The following ROBO1 variants were observed in gnomAD, a reference collection of about 807,000 sequenced individuals.
ROBO1 encodes the protein roundabout homolog 1.
In ROBO1, 149 loss-of-function variants were observed where a neutral mutation model predicts 195.9. The observed-to-expected ratio is 0.76, with a 90% CI of 0.67 to 0.87. The LOEUF (loss-of-function observed/expected upper bound fraction) is 0.87, where lower values mean the gene tolerates loss of function less well. Ranked by LOEUF, ROBO1 falls within the 40% of genes least tolerant of loss-of-function variation. ROBO1 has a pLI of 0.00. For missense variants in ROBO1, 1,933 were observed against 2,068.3 expected, an observed-to-expected ratio of 0.93 and a Z score of 1.27; for synonymous variants, 816 against 733.2, an observed-to-expected ratio of 1.11 and a Z score of -1.82.
chr3:79,135,102 A>G (rs1304454886), intron 2 of ROBO1, among the ~76,000 whole-genome samples: 21 of 152,126 alleles, frequency 1.4e-4, no homozygotes, highest in Non-Finnish European at 1.3e-4. Flanking sequence ...ATACGTTCTT[A>G]TTAAACATAG....
At position 78,922,358 on chromosome 3, in the gene ROBO1, T is replaced by C. The variant is rs371892537; in HGVS notation, c.499+16243A>G. Among the ~76,000 whole-genome samples, 6 of 152,182 alleles carry C rather than the reference T, an allele frequency of 3.9e-5. No individual in the cohort carries two copies. In the East Asian group the frequency reaches 7.8e-4, roughly 20 times the overall value. On this transcript the variant is annotated intron_variant, in intron 4 of 30. Coordinates refer to ENST00000464233, the MANE Select transcript of ROBO1 (RefSeq NM_002941.4). Reference sequence around the variant, plus strand: ...ATCATGGTCTACCCTTACCTACCAATGTATCCTAGACAGACACTCAAAGGT... The same window carrying C: ...ATCATGGTCTACCCTTACCTACCAACGTATCCTAGACAGACACTCAAAGGT...
intron 3 of ROBO1, among the ~76,000 whole-genome samples, chr3:79,120,713 C>T (rs2080100886): frequency 6.6e-6 from 1 of 151,824 alleles, no homozygotes; most frequent in South Asian, 2.1e-4. Flanking sequence ...CATAATTGAG[C>T]ATCTAGAATG....
intron 1 of ROBO1, among the ~76,000 whole-genome samples, chr3:79,628,011 T>C (rs533159535): frequency 1.5e-4 from 23 of 152,224 alleles, no homozygotes; most frequent in Admixed American, 5.2e-4. Context: ...TGTGGAAAAG[T>C]AGGAATGCTT....
At chr3:79,688,512 C>A (rs750261800) in intron 1 of ROBO1, among the ~76,000 whole-genome samples, 4 of 152,006 alleles carry the variant, frequency 2.6e-5, no homozygotes, top group Non-Finnish European at 5.9e-5. Flanking sequence ...CTAATCATTT[C>A]TATTGAAACA....
intron 4 of ROBO1, among the ~76,000 whole-genome samples, chr3:78,894,685 G>A (rs2037126258): frequency 6.6e-6 from 1 of 152,174 alleles, no homozygotes; most frequent in South Asian, 2.1e-4. Flanking sequence ...AATTATCATT[G>A]AAATCCACCA....
chr3:79,181,063 A>T (rs1222455729), intron 2 of ROBO1, among the ~76,000 whole-genome samples: 2 of 152,008 alleles, frequency 1.3e-5, no homozygotes, highest in Admixed American at 6.6e-5. Context: ...ATTTTCCTAG[A>T]CTTTCTCTTT....
At chr3:79,223,463 A>G (rs533563108) in intron 2 of ROBO1, among the ~76,000 whole-genome samples, 1 of 152,164 alleles carries the variant, frequency 6.6e-6, no homozygotes, top group South Asian at 2.1e-4. Flanking sequence ...ATATGCAAAT[A>G]TAAAGAATCT....
intron 2 of ROBO1, among the ~76,000 whole-genome samples, chr3:79,370,554 C>T (rs1245008049): frequency 1.3e-5 from 2 of 151,874 alleles, no homozygotes; most frequent in East Asian, 3.9e-4. Flanking sequence ...CATGGGAACC[C>T]TGGGATTGAT....
intron 2 of ROBO1, among the ~76,000 whole-genome samples, chr3:79,395,335 AAAAAAAAAG>A (rs2037114165): frequency 6.7e-6 from 1 of 148,350 alleles, no homozygotes; most frequent in African/African-American, 2.5e-5. Flanking sequence ...AAAAAAAAAA[AAAAAAAAAG>A]AAAGAAAGAA....
At chr3:79,575,837 A>G (rs1315297426) in intron 2 of ROBO1, among the ~76,000 whole-genome samples, 1 of 151,814 alleles carries the variant, frequency 6.6e-6, no homozygotes, top group African/African-American at 2.4e-5. Flanking sequence ...AATATATCAC[A>G]GTGTTTACAA....
intron 2 of ROBO1, among the ~76,000 whole-genome samples, chr3:79,279,368 C>T (rs1191390460): frequency 6.6e-6 from 1 of 151,924 alleles, no homozygotes; most frequent in Non-Finnish European, 1.5e-5. Context: ...ATACAAATGG[C>T]CAACCAATGA....
chr3:78,696,439 G>A (rs986023374), intron 8 of ROBO1, among the ~76,000 whole-genome samples: 13 of 151,948 alleles, frequency 8.6e-5, no homozygotes, highest in African/African-American at 3.1e-4. Flanking sequence ...CTTTATCAAG[G>A]TCACAGGGGG....
At chr3:79,470,027 T>A (rs897955844) in intron 2 of ROBO1, among the ~76,000 whole-genome samples, 1 of 152,140 alleles carries the variant, frequency 6.6e-6, no homozygotes, top group Admixed American at 6.6e-5. Context: ...TTATTATACT[T>A]TAAGTTCTAG....
Position 78,627,520 on chromosome 3 carries a change from G to A in ROBO1, c.3676C>T (p.Gln1226Ter). The change falls in exon 26 of 31, where the codon CAA becomes TAA. Residue 1226 changes from glutamine (Q) to a stop codon, truncating the protein, a stop_gained. Transcript: ENST00000464233. LOFTEE classifies it high-confidence loss of function. ...CPVPPARMYLQQDELEEEEDE... is the reference protein window; with the variant it reads ...CPVPPARMYL ...TCCTCCTCTTCTAATTCATCTTGTT[G>A]CAAATACATCCTTGCTGGTGGCACG... 1 of 1,613,334 alleles carries A rather than the reference G, an allele frequency of 6.2e-7. No individual in the cohort carries two copies. The highest frequency in any genetic ancestry group is 8.5e-7 in the Non-Finnish European group (1 of 1,179,698).
Position 78,636,021 on chromosome 3 carries a change from T to A in ROBO1, c.3125A>T (p.Asp1042Val), listed in dbSNP as rs765740846. 50 of 1,613,826 alleles carry A rather than the reference T, an allele frequency of 3.1e-5. No homozygotes were observed. The South Asian group carries it at 5.5e-4, about 18-fold the overall frequency. ...CATCTCATTGATTTTGTTACTAAGG[T>A]CCACATCACCATAAACAGTTGACTC... ...LPESTVYGDV[D>V]LSNKINEMKT... Residue 1042 changes from aspartate to valine, a missense_variant, in exon 23 of 31, where the codon GAC (aspartate) becomes GTC (valine). Coordinates refer to ENST00000464233, the MANE Select transcript of ROBO1 (RefSeq NM_002941.4).
chr3:78,602,002 A>C (rs1290905483), intron 29 of ROBO1, among the ~76,000 whole-genome samples: 1 of 150,558 alleles, frequency 6.6e-6, no homozygotes, highest in Non-Finnish European at 1.5e-5. Context: ...ATATAATTAT[A>C]TATACGTTAT....
At chr3:79,451,387 T>C (rs1208653681) in intron 2 of ROBO1, among the ~76,000 whole-genome samples, 1 of 152,044 alleles carries the variant, frequency 6.6e-6, no homozygotes, top group Non-Finnish European at 1.5e-5. Flanking sequence ...TACTTAACCA[T>C]CTGAATGGTG....
At chr3:79,341,452 G>C (rs1366946320) in intron 2 of ROBO1, among the ~76,000 whole-genome samples, 1 of 151,796 alleles carries the variant, frequency 6.6e-6, no homozygotes, top group East Asian at 1.9e-4. Flanking sequence ...TCACATCTTA[G>C]CAGTTCCTAT....
intron 1 of ROBO1, among the ~76,000 whole-genome samples, chr3:79,690,363 G>A (rs1485912302): frequency 1.3e-5 from 2 of 152,006 alleles, no homozygotes; most frequent in Non-Finnish European, 1.5e-5. Flanking sequence ...GAGAGGACAA[G>A]AGAACAGGCA....
Sources: allele counts gnomAD v4.1 joint callset (sites outside exome capture counted in the v4.1 genomes callset), GRCh38; gene constraint gnomAD v4.1.1; transcripts MANE v1.5; gene names NCBI Gene and HGNC (gene_info 2026-07-23, HGNC 2026-07-21).